UBA3: variants seen among roughly 807,000 people sequenced by gnomAD.
UBA3 encodes ubiquitin like modifier activating enzyme 3.
A neutral mutation model predicts 73.5 loss-of-function variants in UBA3; 26 were observed. The observed-to-expected ratio is 0.35, with a 90% CI of 0.26 to 0.49. The LOEUF is 0.49. UBA3 is among the 20% of genes least tolerant of loss of function. The probability of loss-of-function intolerance (pLI) is 0.98; values close to 1 mark genes in which losing one functional copy is unlikely to be tolerated. For synonymous variants in UBA3, 217 were observed against 191.2 expected, an observed-to-expected ratio of 1.13 and a Z score of -1.11; for missense variants, 495 against 555.6, an observed-to-expected ratio of 0.89 and a Z score of 1.10.
At chr3:69,055,612 G>T in intron 17 of UBA3, 87 bp from the exon 18 acceptor site, 1 of 1,031,394 alleles carries the variant, frequency 9.7e-7, no homozygotes, top group South Asian at 1.5e-5. Flanking sequence ...AGAGTATTAC[G>T]GTCTAGAAAA....
intron 2 of UBA3, among the ~76,000 whole-genome samples, chr3:69,079,524 A>AC (rs1204170270): frequency 6.6e-5 from 10 of 152,234 alleles, no homozygotes; most frequent in African/African-American, 2.4e-4. Context: ...AATCTGTCTC[A>AC]CCAGCATAGA....
Position 69,056,649 on chromosome 3 carries a change from T to C in UBA3, c.1046A>G (p.Asp349Gly). The stretch of plus-strand genomic sequence containing the variant: ...TTCAAATGTGTATGTATACAGCCCA[T>C]CTACATCATTAAACACCAAGTAATT... The part of the protein sequence containing the change: ...LNNYLVFNDV[D>G]GLYTYTFEAE... The change falls in exon 14 of 18, where the codon GAT (aspartate) becomes GGT (glycine). Residue 349 changes from aspartate to glycine, a missense_variant. Asp to Gly is a moderately conservative substitution (Grantham distance 94). Coordinates refer to ENST00000361055, the MANE Select transcript of UBA3 (RefSeq NM_003968.4). 3 of 1,613,382 alleles carry C rather than the reference T, an allele frequency of 1.9e-6. No homozygotes were observed. The highest frequency in any genetic ancestry group is 1.7e-4 in the Middle Eastern group (1 of 6,054).
At chr3:69,055,638 C>G (rs1378669385) in intron 17 of UBA3, 113 bp from the exon 18 acceptor site, 2 of 906,130 alleles carry the variant, frequency 2.2e-6, no homozygotes, top group Admixed American at 6.1e-5. Context: ...AAAATCCAAT[C>G]CTCTTTAATC....
intron 2 of UBA3, 21 bp from the exon 3 acceptor site, chr3:69,077,939 T>G: frequency 6.2e-7 from 1 of 1,609,420 alleles, no homozygotes; most frequent in Non-Finnish European, 8.5e-7. Context: ...CACAGTAAAT[T>G]CAGCTGCAAA....
chr3:69,059,790 G>A (rs753983524), intron 11 of UBA3, among the ~76,000 whole-genome samples: 65 of 152,116 alleles, frequency 4.3e-4, no homozygotes, highest in Non-Finnish European at 7.5e-4. Context: ...GGTGAACCTG[G>A]TAATGATCTT....
In UBA3 at chr3:69,055,364, G is replaced by T; in HGVS notation, c.*73C>A. 1 of 974,358 alleles carries T rather than the reference G, an allele frequency of 1.0e-6. No homozygotes were observed. The highest frequency in any genetic ancestry group is 2.4e-5 in the South Asian group (1 of 42,442). 60.4% of individuals were successfully genotyped at this position (974,358 alleles called of 1,614,324 possible). A position where few individuals can be genotyped will look rare whatever the true frequency, so the allele number is the denominator to read the frequency against. ...TCGTGGCAACACTATTGCTAAAAATGACATCGATTCAACTTCTTAGCATCC... is the reference window on the plus strand; with the variant it reads ...TCGTGGCAACACTATTGCTAAAAATTACATCGATTCAACTTCTTAGCATCC... On this transcript the variant is annotated 3_prime_UTR_variant, in exon 18 of 18. Coordinates refer to ENST00000361055, the MANE Select transcript of UBA3 (RefSeq NM_003968.4).
chr3:69,062,871 A>T, intron 9 of UBA3, 111 bp downstream of exon 9: 2 of 1,341,612 alleles, frequency 1.5e-6, no homozygotes, highest in Non-Finnish European at 2.0e-6. Flanking sequence ...TGTAATTTTT[A>T]AAATACGGCC....
intron 11 of UBA3, 151 bp downstream of exon 11, chr3:69,061,663 C>A: frequency 2.0e-6 from 1 of 495,714 alleles, no homozygotes; most frequent in Non-Finnish European, 3.6e-6. Flanking sequence ...ATTAAATTCC[C>A]CCTAGCTAAT....
At chr3:69,066,814 G>A (rs1222703694) in intron 6 of UBA3, among the ~76,000 whole-genome samples, 1 of 152,076 alleles carries the variant, frequency 6.6e-6, no homozygotes, top group African/African-American at 2.4e-5. Context: ...TTTAACTATG[G>A]ATATGAAATT....
chr3:69,056,133 A>C (rs2091971197), intron 15 of UBA3, 50 bp downstream of exon 15: 1 of 1,560,132 alleles, frequency 6.4e-7, no homozygotes, highest in African/African-American at 1.4e-5. Flanking sequence ...TAAGGTTTCA[A>C]AAATCACAAA....
intron 5 of UBA3, among the ~76,000 whole-genome samples, chr3:69,070,235 A>C (rs562028551): frequency 1.3e-5 from 2 of 152,352 alleles, no homozygotes; most frequent in South Asian, 2.1e-4. Flanking sequence ...TGCTATAGAG[A>C]AGGGAAATTT....
Position 69,071,619 on chromosome 3 carries a change from T to C in UBA3, c.265-2A>G. The C allele has an allele frequency of 6.5e-7, 1 of 1,530,528 alleles. No individual in the cohort carries two copies. Among genetic ancestry groups the C allele is most frequent in the Non-Finnish European group, 8.7e-7 (1 of 1,146,554 alleles). 94.8% of individuals were successfully genotyped at this position (1,530,528 alleles called of 1,614,324 possible). ...AATCTGTCTAAAACCAGACAAGGCC[T>C]GTGGGAATAAAAACAATCCAATTAA... On this transcript the variant is annotated splice_acceptor_variant, in intron 4 of 17. Transcript: ENST00000361055. LOFTEE classifies it high-confidence loss of function.
intron 6 of UBA3, among the ~76,000 whole-genome samples, chr3:69,066,175 G>C (rs1194731932): frequency 6.6e-6 from 1 of 151,990 alleles, no homozygotes; most frequent in Non-Finnish European, 1.5e-5. Context: ...TAATTTTTTA[G>C]AGATGATGTC....
chr3:69,056,140 C>A (rs1186650362), intron 15 of UBA3, 43 bp downstream of exon 15: 2 of 1,556,982 alleles, frequency 1.3e-6, no homozygotes, highest in South Asian at 1.2e-5. Context: ...TCAAAAATCA[C>A]AAAAATGATT....
At chr3:69,075,912 G>A (rs1410198691) in intron 3 of UBA3, among the ~76,000 whole-genome samples, 1 of 151,838 alleles carries the variant, frequency 6.6e-6, no homozygotes, top group Non-Finnish European at 1.5e-5. Context: ...TTTATTTTTA[G>A]TAGATACAGG....
intron 3 of UBA3, 96 bp from the exon 4 acceptor site, chr3:69,075,606 G>GA (rs1166952488): frequency 6.8e-6 from 4 of 590,332 alleles, no homozygotes; most frequent in African/African-American, 5.8e-5. Context: ...ATGTTTCCAG[G>GA]AAAAAATGCC....
chr3:69,059,830 C>T (rs1036052654), intron 11 of UBA3, among the ~76,000 whole-genome samples: 1 of 152,110 alleles, frequency 6.6e-6, no homozygotes, highest in Non-Finnish European at 1.5e-5. Flanking sequence ...GAAACTATAA[C>T]TAGATTGGAA....
intron 6 of UBA3, among the ~76,000 whole-genome samples, chr3:69,066,430 T>G (rs1261745646): frequency 1.4e-5 from 2 of 143,742 alleles, no homozygotes; most frequent in Non-Finnish European, 3.1e-5. Flanking sequence ...TTCTATCGTT[T>G]TATGGTTTTT....
chr3:69,067,430 T>C (rs992456311), intron 6 of UBA3, among the ~76,000 whole-genome samples: 1 of 152,200 alleles, frequency 6.6e-6, no homozygotes, highest in Middle Eastern at 3.2e-3. Context: ...TCTTCTGACT[T>C]TCTATAAAAT....
Sources: gnomAD v4.1 joint callset for allele counts (sites outside exome capture counted in the v4.1 genomes callset) on GRCh38, gnomAD v4.1.1 for gene constraint, MANE v1.5 for transcripts, NCBI Gene and HGNC (gene_info 2026-07-23, HGNC 2026-07-21) for gene names.